DESI2: variants seen among roughly 807,000 people sequenced by gnomAD.
The protein encoded by DESI2 is desumoylating isopeptidase 2.
A neutral mutation model predicts 24.1 loss-of-function variants in DESI2; 10 were observed. The ratio of observed to expected loss-of-function variants is 0.41; its 90% CI spans 0.26 to 0.70. The LOEUF (loss-of-function observed/expected upper bound fraction) is 0.70, where lower values mean the gene tolerates loss of function less well. Ranked by LOEUF, DESI2 falls within the 30% of genes least tolerant of loss-of-function variation. DESI2 has a pLI of 0.29. For missense variants in DESI2, 122 were observed against 234.9 expected, an observed-to-expected ratio of 0.52 and a Z score of 3.14; for synonymous variants, 71 against 87.7, an observed-to-expected ratio of 0.81 and a Z score of 1.06.
chr1:244,703,272 G>A (rs1165712451), intron 4 of DESI2, among the ~76,000 whole-genome samples: 1 of 152,138 alleles, frequency 6.6e-6, no homozygotes, highest in Non-Finnish European at 1.5e-5. Context: ...AAAGTGCTGG[G>A]ATTACAGGCA....
At chr1:244,673,824 C>G (rs891647080) in intron 1 of DESI2, among the ~76,000 whole-genome samples, 4 of 151,876 alleles carry the variant, frequency 2.6e-5, no homozygotes, top group African/African-American at 7.3e-5. Flanking sequence ...GTTATAATGC[C>G]GAATTATTCT....
intron 1 of DESI2, 106 bp downstream of exon 1, chr1:244,653,461 TC>T: frequency 1.7e-6 from 2 of 1,203,064 alleles, no homozygotes; most frequent in Non-Finnish European, 2.3e-6. Flanking sequence ...CGTCTCCGCC[TC>T]CAGCCTAGTT....
intron 1 of DESI2, among the ~76,000 whole-genome samples, chr1:244,664,810 AT>A (rs1456169999): frequency 6.6e-6 from 1 of 152,250 alleles, no homozygotes; most frequent in African/African-American, 2.4e-5. Context: ...CCTTACAGAA[AT>A]TTTGTTCTAT....
At chr1:244,693,291 A>G (rs574165815) in intron 4 of DESI2, among the ~76,000 whole-genome samples, 2 of 152,338 alleles carry the variant, frequency 1.3e-5, no homozygotes, top group Admixed American at 6.5e-5. Flanking sequence ...GTTATTGAGC[A>G]TCTATACCAC....
At chr1:244,660,259 G>C (rs944960237) in intron 1 of DESI2, among the ~76,000 whole-genome samples, 2 of 152,136 alleles carry the variant, frequency 1.3e-5, no homozygotes, top group Non-Finnish European at 2.9e-5. Context: ...TCCGCCTCCT[G>C]GGTTCAAGCA....
chr1:244,684,186 T>A (rs1487755116), intron 1 of DESI2, among the ~76,000 whole-genome samples: 1 of 150,694 alleles, frequency 6.6e-6, no homozygotes, highest in Non-Finnish European at 1.5e-5. Context: ...TTTACTATAG[T>A]ATAAAGATTC....
intron 1 of DESI2, among the ~76,000 whole-genome samples, chr1:244,685,271 CAT>C (rs1048149107): frequency 4.6e-5 from 7 of 152,050 alleles, no homozygotes; most frequent in African/African-American, 1.2e-4. Flanking sequence ...CCCTTCTATC[CAT>C]ATATAGTTAT....
chr1:244,682,612 A>G (rs1676658449), intron 1 of DESI2, among the ~76,000 whole-genome samples: 1 of 152,254 alleles, frequency 6.6e-6, no homozygotes, highest in South Asian at 2.1e-4. Flanking sequence ...CAGGGATCTT[A>G]CACAAACTTT....
At chr1:244,653,646 G>T in intron 1 of DESI2, 2 of 508,678 alleles carry the variant, frequency 3.9e-6, no homozygotes, top group South Asian at 4.9e-5. Flanking sequence ...CGACCCCTTG[G>T]CCGACGTGCA....
intron 2 of DESI2, among the ~76,000 whole-genome samples, chr1:244,688,288 G>C (rs965550970): frequency 2.0e-5 from 3 of 152,060 alleles, no homozygotes; most frequent in Non-Finnish European, 4.4e-5. Context: ...CTTCCAACCT[G>C]ATAATCTACA....
chr1:244,691,817 AAATATTT>A, intron 3 of DESI2, 55 bp from the exon 4 acceptor site: 1 of 1,290,454 alleles, frequency 7.7e-7, no homozygotes, highest in East Asian at 2.5e-5. Flanking sequence ...TGCTTTTTAT[AAATATTT>A]GACACAACTA....
At chr1:244,699,608 A>G (rs989803315) in intron 4 of DESI2, among the ~76,000 whole-genome samples, 1 of 136,108 alleles carries the variant, frequency 7.3e-6, no homozygotes, top group Non-Finnish European at 1.6e-5. Context: ...AAAAAAAAAA[A>G]AAAAAAAATT....
intron 4 of DESI2, chr1:244,694,340 GTATAAATTAT>G: frequency 7.4e-6 from 4 of 540,430 alleles, no homozygotes; most frequent in South Asian, 6.1e-5. Context: ...ATGGTGACAT[GTATAAATTAT>G]GTAAAGTTCA....
rs1677727923 is a variant in DESI2 at position 244,706,889 on chromosome 1, T to G, written c.*1100T>G. On this transcript the variant is annotated 3_prime_UTR_variant, in exon 5 of 5. Coordinates refer to ENST00000302550, the MANE Select transcript of DESI2 (RefSeq NM_016076.5). The stretch of plus-strand genomic sequence containing the variant: ...TTGACCAATCGTTAAAAAATCATAT[T>G]TGTGTGTCTTAAGATTCATATTTAT... 1 of 152,638 alleles carries G rather than the reference T, an allele frequency of 6.6e-6. No homozygotes were observed. Among genetic ancestry groups the G allele is most frequent in the Admixed American group, 6.5e-5 (1 of 15,278 alleles). The allele number at this position is 152,638 out of a possible 1,614,324, so 9.5% of individuals were successfully genotyped here.
intron 1 of DESI2, among the ~76,000 whole-genome samples, chr1:244,675,493 A>T (rs575988874): frequency 5.3e-4 from 80 of 152,252 alleles, no homozygotes; most frequent in African/African-American, 1.7e-3. Context: ...ATTCATTTGC[A>T]TGTGGATTTC....
intron 1 of DESI2, among the ~76,000 whole-genome samples, chr1:244,664,878 T>C (rs1462277210): frequency 1.3e-5 from 2 of 152,252 alleles, no homozygotes; most frequent in African/African-American, 2.4e-5. Context: ...TCCCTAGATT[T>C]TTCCTTGCAA....
intron 4 of DESI2, chr1:244,694,405 A>G (rs1677136269): frequency 2.9e-6 from 2 of 697,038 alleles, no homozygotes; most frequent in Admixed American, 1.8e-5. Context: ...CGGAACATCT[A>G]TTGCATTACT....
intron 1 of DESI2, among the ~76,000 whole-genome samples, chr1:244,662,710 C>G (rs1354275183): frequency 1.3e-5 from 2 of 152,106 alleles, no homozygotes; most frequent in Non-Finnish European, 1.5e-5. Flanking sequence ...GTATAGTTAC[C>G]GGTTACTGCA....
At chr1:244,702,172 G>C (rs976993521) in intron 4 of DESI2, among the ~76,000 whole-genome samples, 2 of 152,144 alleles carry the variant, frequency 1.3e-5, no homozygotes, top group African/African-American at 4.8e-5. Flanking sequence ...AAAAATTCAG[G>C]TAGCAATGCT....
Sources: gnomAD v4.1 joint callset for allele counts (sites outside exome capture counted in the v4.1 genomes callset) on GRCh38, gnomAD v4.1.1 for gene constraint, MANE v1.5 for transcripts, NCBI Gene and HGNC (gene_info 2026-07-23, HGNC 2026-07-21) for gene names.